The following HECW1 variants were observed in gnomAD, a reference collection of about 807,000 sequenced individuals.
HECW1 encodes HECT, C2 and WW domain containing E3 ubiquitin protein ligase 1.
Under a neutral mutation model 182.3 loss-of-function variants are expected in HECW1, and 61 were observed. The observed-to-expected ratio is 0.33, with a 90% CI of 0.27 to 0.41. The LOEUF (loss-of-function observed/expected upper bound fraction) is 0.41. Among genes scored for constraint, HECW1 ranks in the 10% least tolerant of loss-of-function variants. The probability of loss-of-function intolerance (pLI) is 1.00; values close to 1 mark genes in which losing one functional copy is unlikely to be tolerated. For synonymous variants in HECW1, 859 were observed against 832.6 expected, an observed-to-expected ratio of 1.03 and a Z score of -0.55; for missense variants, 1,739 against 2,108.9, an observed-to-expected ratio of 0.82 and a Z score of 3.44.
chr7:43,416,043 T>A (rs1158961448), intron 8 of HECW1, among the ~76,000 whole-genome samples: 1 of 151,754 alleles, frequency 6.6e-6, no homozygotes, highest in Non-Finnish European at 1.5e-5. Flanking sequence ...AAAGTCATTC[T>A]CCATCCAGCT....
chr7:43,123,162 G>A (rs1481620377), intron 2 of HECW1, among the ~76,000 whole-genome samples: 2 of 152,170 alleles, frequency 1.3e-5, no homozygotes, highest in Non-Finnish European at 2.9e-5. Flanking sequence ...TGTACCAGAC[G>A]CTGGGCTGGG....
At chr7:43,254,441 T>G (rs1426307218) in intron 3 of HECW1, among the ~76,000 whole-genome samples, 1 of 152,232 alleles carries the variant, frequency 6.6e-6, no homozygotes, top group Non-Finnish European at 1.5e-5. Flanking sequence ...TAATGCCAGG[T>G]GGCATGGTTC....
intron 17 of HECW1, among the ~76,000 whole-genome samples, chr7:43,483,070 G>T (rs952842932): frequency 1.3e-5 from 2 of 152,142 alleles, no homozygotes; most frequent in Admixed American, 1.3e-4. Flanking sequence ...TGACTAGTTC[G>T]GTCTGAGCCA....
chr7:43,180,264 G>A (rs1792700467), intron 2 of HECW1, among the ~76,000 whole-genome samples: 1 of 104,114 alleles, frequency 9.6e-6, no homozygotes, highest in Admixed American at 9.1e-5. Context: ...AAGCTGTGTA[G>A]GTAGAGTCCT....
intron 2 of HECW1, among the ~76,000 whole-genome samples, chr7:43,193,075 C>G (rs956575266): frequency 6.6e-6 from 1 of 152,208 alleles, no homozygotes; most frequent in African/African-American, 2.4e-5. Flanking sequence ...GGTCCCTCCC[C>G]CTTTCACACC....
At chr7:43,197,837 G>A (rs1794611720) in intron 2 of HECW1, among the ~76,000 whole-genome samples, 1 of 152,044 alleles carries the variant, frequency 6.6e-6, no homozygotes, top group Non-Finnish European at 1.5e-5. Context: ...TTTCAAGATG[G>A]CGACAGCAGA....
intron 19 of HECW1, among the ~76,000 whole-genome samples, chr7:43,497,413 T>A (rs2079160849): frequency 1.3e-5 from 2 of 152,158 alleles, no homozygotes; most frequent in African/African-American, 4.8e-5. Context: ...GAGAAGTGAT[T>A]GAGAAGTTTT....
intron 2 of HECW1, among the ~76,000 whole-genome samples, chr7:43,123,080 G>A (rs1382301661): frequency 3.3e-5 from 5 of 152,242 alleles, no homozygotes; most frequent in South Asian, 2.1e-4. Context: ...AATTTGAGAA[G>A]GCAAAATGAA....
chr7:43,269,031 T>C (rs973645535), intron 3 of HECW1, among the ~76,000 whole-genome samples: 2 of 152,162 alleles, frequency 1.3e-5, no homozygotes, highest in Admixed American at 6.6e-5. Context: ...TGCCACCCTC[T>C]ACCCACTCTC....
intron 24 of HECW1, among the ~76,000 whole-genome samples, chr7:43,539,087 A>G (rs1459557030): frequency 1.3e-5 from 2 of 152,208 alleles, no homozygotes; most frequent in African/African-American, 4.8e-5. Flanking sequence ...TAGTAATAGA[A>G]TTTTTAATAC....
At chr7:43,514,301 C>CTTTTT (rs59223768) in intron 24 of HECW1, among the ~76,000 whole-genome samples, 9 of 140,490 alleles carry the variant, frequency 6.4e-5, no homozygotes, top group African/African-American at 1.8e-4. Flanking sequence ...CTTTTCTTTT[C>CTTTTT]TTTTTTTTTT....
At chr7:43,529,609 T>C (rs2080900546) in intron 24 of HECW1, among the ~76,000 whole-genome samples, 2 of 152,192 alleles carry the variant, frequency 1.3e-5, no homozygotes, top group African/African-American at 2.4e-5. Context: ...CCTACTGAAA[T>C]GGAAACACTG....
intron 9 of HECW1, among the ~76,000 whole-genome samples, chr7:43,440,796 A>G (rs1038843985): frequency 1.3e-5 from 2 of 152,032 alleles, no homozygotes; most frequent in Non-Finnish European, 2.9e-5. Context: ...AGCTCATCCT[A>G]TTTTTTTCTG....
chr7:43,320,353 C>T (rs1809942334), intron 4 of HECW1, among the ~76,000 whole-genome samples: 2 of 152,188 alleles, frequency 1.3e-5, no homozygotes, highest in South Asian at 2.1e-4. Flanking sequence ...AAGTGAACCG[C>T]GATAGCAGTA....
chr7:43,216,308 G>A (rs1035811510), intron 2 of HECW1, among the ~76,000 whole-genome samples: 2 of 151,980 alleles, frequency 1.3e-5, no homozygotes, highest in African/African-American at 4.8e-5. Flanking sequence ...ACCATGCCCA[G>A]CTAAGTTTTG....
chr7:43,240,286 C>CTTCAGGTTTCATCGGGGTTTGGGAATGCT (rs1798761722), intron 2 of HECW1, among the ~76,000 whole-genome samples: 2 of 151,904 alleles, frequency 1.3e-5, no homozygotes, highest in African/African-American at 4.8e-5. Flanking sequence ...TGCAGTGAGC[C>CTTCAGGTTTCATCGGGGTTTGGGAATGCT]GAGATCTGGC....
At chr7:43,336,124 T>TCTCTCTCTCTCTCTCTC (rs1812181848) in intron 5 of HECW1, among the ~76,000 whole-genome samples, 1 of 64,246 alleles carries the variant, frequency 1.6e-5, no homozygotes, top group African/African-American at 7.3e-5. Flanking sequence ...CTTTCTTTCT[T>TCTCTCTCTCTCTCTCTC]TCTCTCTCTC....
chr7:43,262,897 A>G (rs1362101971), intron 3 of HECW1, among the ~76,000 whole-genome samples: 1 of 152,138 alleles, frequency 6.6e-6, no homozygotes, highest in Non-Finnish European at 1.5e-5. Flanking sequence ...TGACACATAT[A>G]TGGCTTGATC....
rs139957234 is a variant in HECW1, at chr7:43,224,821, C to G, written c.-31-19054C>G. ...GGCCTTGTCTCAAATGAAAACCAAA[C>G]AAAGAAAGAAAAAGGACCCACGTAG... On this transcript the variant is annotated intron_variant, in intron 2 of 29. Transcript: ENST00000395891. Among the ~76,000 whole-genome samples the G allele has an allele frequency of 7.5e-3, 1,143 of 152,202 alleles. 11 individuals are homozygous for G. The highest frequency in any genetic ancestry group is 0.024 in the African/African-American group (1,012 of 41,512).
Sources: gnomAD v4.1 joint callset for allele counts (sites outside exome capture counted in the v4.1 genomes callset) on GRCh38, gnomAD v4.1.1 for gene constraint, MANE v1.5 for transcripts, NCBI Gene and HGNC (gene_info 2026-07-23, HGNC 2026-07-21) for gene names.